PAM: variants seen among roughly 807,000 people sequenced by gnomAD.
PAM encodes the protein peptidyl-glycine alpha-amidating monooxygenase.
A neutral mutation model predicts 122.1 loss-of-function variants in PAM; 72 were observed. The observed-to-expected ratio is 0.59, with a 90% CI of 0.49 to 0.72. The LOEUF is 0.72. Ranked by LOEUF, PAM falls within the 30% of genes least tolerant of loss-of-function variation. The pLI is 0.00. For synonymous variants in PAM, 389 were observed against 404.4 expected (o/e 0.96, Z 0.46); for missense variants, 1,106 against 1,183.7 (o/e 0.93, Z 0.96).
rs12517641 is a variant in PAM, at chr5:102,756,234, C to G, written c.-374+886C>G. 6.8e-3 allele frequency among the ~76,000 whole-genome samples: 1,040 copies of G among 152,230 alleles called. 5 individuals carry two copies. Among genetic ancestry groups the G allele is most frequent in the Middle Eastern group, 0.017 (5 of 294 alleles). On this transcript the variant is annotated intron_variant, in intron 1 of 25. Transcript: ENST00000438793. ...TGTTCTGATCGTCTGAGTTCAGGTC[C>G]TTTGGCTGAGATGTGATTATCTCTC...
At chr5:102,880,035 C>T (rs975295078) in intron 3 of PAM, among the ~76,000 whole-genome samples, 9 of 152,296 alleles carry the variant, frequency 5.9e-5, no homozygotes, top group Admixed American at 2.0e-4. Context: ...AGTCCCAGCA[C>T]CTTTGGAAGC....
chr5:102,849,650 T>C (rs1318801434), intron 1 of PAM, among the ~76,000 whole-genome samples: 1 of 152,014 alleles, frequency 6.6e-6, no homozygotes. Context: ...ATTAGTTATA[T>C]AGTTTAGCAA....
intron 4 of PAM, among the ~76,000 whole-genome samples, chr5:102,904,986 TTTAA>T (rs554491567): frequency 1.8e-3 from 278 of 151,782 alleles, no homozygotes; most frequent in African/African-American, 6.4e-3. Context: ...TATATCTGTA[TTTAA>T]TTATTGAATG....
At chr5:102,775,719 T>C (rs1756989167) in intron 1 of PAM, among the ~76,000 whole-genome samples, 1 of 152,190 alleles carries the variant, frequency 6.6e-6, no homozygotes, top group South Asian at 2.1e-4. Context: ...ATGCACCACA[T>C]TTTCTTTATT....
At chr5:102,834,653 A>G (rs764128493) in intron 1 of PAM, among the ~76,000 whole-genome samples, 8 of 152,142 alleles carry the variant, frequency 5.3e-5, no homozygotes, top group Non-Finnish European at 1.0e-4. Flanking sequence ...ACATGGATAC[A>G]TTGGGTGAGC....
intron 1 of PAM, among the ~76,000 whole-genome samples, chr5:102,855,372 A>T (rs1782369810): frequency 6.6e-6 from 1 of 152,206 alleles, no homozygotes; most frequent in Non-Finnish European, 1.5e-5. Context: ...TATAATAGGA[A>T]AGAGTGTGTT....
At chr5:102,774,126 A>C (rs1007604778) in intron 1 of PAM, among the ~76,000 whole-genome samples, 1 of 152,040 alleles carries the variant, frequency 6.6e-6, no homozygotes, top group Admixed American at 6.6e-5. Flanking sequence ...ATGAACAGTT[A>C]GGTTGATTCC....
Position 103,006,953 on chromosome 5 carries a change from C to A in PAM, c.1956C>A (p.Cys652Ter), listed in dbSNP as rs1289302005. ...TGAIYVSDGY[C>*]NSRIVQFSPS... ...CCATTTATGTATCAGATGGTTACTG[C>A]AACAGCAGGATTGTGCAGTTTTCAC... Residue 652 changes from cysteine to a stop codon, truncating the protein, a stop_gained, in exon 19 of 26, where the codon TGC (cysteine) becomes TGA (stop). Coordinates refer to ENST00000438793, the MANE Select transcript of PAM (RefSeq NM_001177306.2). LOFTEE classifies it high-confidence loss of function. 6.2e-7 allele frequency: 1 copy of A among 1,613,970 alleles called. No individual in the cohort carries two copies. Among genetic ancestry groups the A allele is most frequent in the East Asian group, 2.2e-5 (1 of 44,874 alleles).
At position 102,877,891 on chromosome 5, in the gene PAM, G is replaced by A. The variant is rs114809502; in HGVS notation, c.210+10498G>A. Among the ~76,000 whole-genome samples, 1,343 of 152,066 alleles carry A rather than the reference G, an allele frequency of 8.8e-3. 15 individuals are homozygous for A. The highest frequency in any genetic ancestry group is 0.03 in the African/African-American group (1,236 of 41,498). On this transcript the variant is annotated intron_variant, in intron 3 of 25. Coordinates refer to ENST00000438793, the MANE Select transcript of PAM (RefSeq NM_001177306.2). Reference sequence around the variant, plus strand: ...AAAAATTTAAAACAATTAGCTGGGCGTGGTGGTGTGTGTCTGTAGTCCTAG... The same window carrying A: ...AAAAATTTAAAACAATTAGCTGGGCATGGTGGTGTGTGTCTGTAGTCCTAG...
chr5:102,875,721 TA>T (rs1788967463), intron 3 of PAM, among the ~76,000 whole-genome samples: 1 of 152,218 alleles, frequency 6.6e-6, no homozygotes. Context: ...TTGTGAGCCA[TA>T]TAGGTTCTGT....
chr5:102,947,044 T>C (rs1303783773), intron 8 of PAM, among the ~76,000 whole-genome samples, 159 bp downstream of exon 8: 1 of 152,200 alleles, frequency 6.6e-6, no homozygotes, highest in African/African-American at 2.4e-5. Flanking sequence ...TGTCAGTAAT[T>C]GGGCACACTT....
At chr5:102,985,920 A>C (rs538304323) in intron 15 of PAM, among the ~76,000 whole-genome samples, 1 of 152,302 alleles carries the variant, frequency 6.6e-6, no homozygotes, top group East Asian at 1.9e-4. Context: ...TATTGCTGGG[A>C]TATGAGGATG....
chr5:102,947,675 TAAAA>T (rs887751081), intron 8 of PAM, among the ~76,000 whole-genome samples: 7 of 151,750 alleles, frequency 4.6e-5, no homozygotes, highest in African/African-American at 7.3e-5. Context: ...TCTATGGAAA[TAAAA>T]AAAATGTTAA....
intron 1 of PAM, among the ~76,000 whole-genome samples, chr5:102,831,642 G>A (rs1775481250): frequency 1.3e-5 from 2 of 152,094 alleles, no homozygotes; most frequent in Admixed American, 6.6e-5. Flanking sequence ...TATATTTCAT[G>A]CAGTTTTTAA....
At chr5:102,924,225 A>G (rs1402348365) in intron 5 of PAM, among the ~76,000 whole-genome samples, 1 of 152,066 alleles carries the variant, frequency 6.6e-6, no homozygotes, top group Non-Finnish European at 1.5e-5. Context: ...TGAGATCAGG[A>G]GTTCAAGACT....
chr5:102,854,886 T>G (rs1473573366), intron 1 of PAM, among the ~76,000 whole-genome samples: 1 of 152,180 alleles, frequency 6.6e-6, no homozygotes, highest in East Asian at 1.9e-4. Context: ...CATGGGGAAT[T>G]TGGGGACACT....
At chr5:102,813,779 G>A (rs1306056131) in intron 1 of PAM, among the ~76,000 whole-genome samples, 1 of 152,094 alleles carries the variant, frequency 6.6e-6, no homozygotes, top group Non-Finnish European at 1.5e-5. Flanking sequence ...AGGATTAATG[G>A]AAATAAAGGG....
At chr5:102,875,684 A>G (rs1561720433) in intron 3 of PAM, among the ~76,000 whole-genome samples, 1 of 152,202 alleles carries the variant, frequency 6.6e-6, no homozygotes, top group Non-Finnish European at 1.5e-5. Flanking sequence ...TTTCTTAAAG[A>G]AGTGTCATAT....
chr5:103,007,599 G>A lies in PAM; in HGVS notation c.2157G>A (p.Val719=), dbSNP rs1779422090. 1.2e-6 allele frequency: 2 copies of A among 1,613,554 alleles called. No homozygotes were observed. Among genetic ancestry groups the A allele is most frequent in the African/African-American group, 2.7e-5 (2 of 75,012 alleles). ...QCFKTDTKEF[V]REIKHSSFGR... is the part of the protein sequence containing the mutation. ...TTAAAACTGACACCAAAGAATTTGT[G>A]AGAGAGATTAAGCATTCATCATTTG... The change falls in exon 20 of 26, where the codon GTG becomes GTA. Residue 719 remains valine, a synonymous_variant. Coordinates refer to ENST00000438793, the MANE Select transcript of PAM (RefSeq NM_001177306.2).
Sources: gnomAD v4.1 joint callset for allele counts (sites outside exome capture counted in the v4.1 genomes callset) on GRCh38, gnomAD v4.1.1 for gene constraint, MANE v1.5 for transcripts, NCBI Gene and HGNC (gene_info 2026-07-23, HGNC 2026-07-21) for gene names.